TRPM3: variants seen among roughly 807,000 people sequenced by gnomAD.
The protein encoded by TRPM3 is transient receptor potential cation channel subfamily M member 3.
A neutral mutation model predicts 181.2 loss-of-function variants in TRPM3; 77 were observed. The observed-to-expected ratio is 0.42, with a 90% confidence interval of 0.35 to 0.51. The LOEUF is 0.51. TRPM3 is among the 20% of genes least tolerant of loss of function. TRPM3 has a pLI of 0.01. For missense variants in TRPM3, 1,759 were observed against 2,196.7 expected (o/e 0.80, Z 3.98); for synonymous variants, 745 against 796.4 (o/e 0.94, Z 1.09).
intron 1 of TRPM3, among the ~76,000 whole-genome samples, chr9:71,340,696 C>T (rs995174243): frequency 6.6e-6 from 1 of 152,086 alleles, no homozygotes; most frequent in Non-Finnish European, 1.5e-5. Context: ...CCGACTAATA[C>T]AGTTGGTATA....
chr9:71,076,768 T>C (rs758683261), intron 1 of TRPM3, among the ~76,000 whole-genome samples: 32 of 152,148 alleles, frequency 2.1e-4, no homozygotes, highest in Admixed American at 7.2e-4. Context: ...ACGGCCCATC[T>C]TGGAAATGTG....
intron 1 of TRPM3, among the ~76,000 whole-genome samples, chr9:71,265,393 G>C (rs571008100): frequency 6.6e-6 from 1 of 152,182 alleles, no homozygotes; most frequent in Non-Finnish European, 1.5e-5. Context: ...ATTTGGATGA[G>C]AGGTGGAACA....
chr9:70,598,332 C>T, intron 21 of TRPM3, 87 bp downstream of exon 21: 2 of 1,519,672 alleles, frequency 1.3e-6, no homozygotes, highest in Non-Finnish European at 1.8e-6. Flanking sequence ...ACTTTGATAG[C>T]AGGCCCAAAT....
rs776399435 is a variant in TRPM3, at chr9:70,761,733, A to G, written c.1149-9T>C. The G allele has an allele frequency of 1.2e-6, 2 of 1,605,586 alleles. No individual in the cohort carries two copies. Among genetic ancestry groups the G allele is most frequent in the Non-Finnish European group, 1.7e-6 (2 of 1,174,068 alleles). ...AAGATTCATTTATCAGTCTGCAAGT[A>G]AAAACAATGTCAAAAGCAGGTCAAC... On this transcript the variant is annotated splice_polypyrimidine_tract_variant and intron_variant, in intron 7 of 25. Coordinates refer to ENST00000677713, the MANE Select transcript of TRPM3 (RefSeq NM_001366145.2).
At chr9:71,342,590 A>C (rs181395951) in intron 1 of TRPM3, among the ~76,000 whole-genome samples, 75 of 152,250 alleles carry the variant, frequency 4.9e-4, no homozygotes, top group African/African-American at 1.8e-3. Context: ...AAGGATGTGC[A>C]GCAACAAAAA....
chr9:70,616,573 C>CAAAA (rs398113513), intron 17 of TRPM3, among the ~76,000 whole-genome samples: 25 of 121,442 alleles, frequency 2.1e-4, no homozygotes, highest in Non-Finnish European at 3.7e-4. Context: ...ATTATCTCTG[C>CAAAA]AAAAAAAAAA....
chr9:70,755,093 T>A (rs1311129573), intron 8 of TRPM3, among the ~76,000 whole-genome samples: 1 of 152,218 alleles, frequency 6.6e-6, no homozygotes, highest in Non-Finnish European at 1.5e-5. Flanking sequence ...TAACTTATTT[T>A]TGCCCGGATG....
At chr9:70,639,924 G>C (rs1382556468) in intron 10 of TRPM3, among the ~76,000 whole-genome samples, 1 of 152,196 alleles carries the variant, frequency 6.6e-6, no homozygotes, top group Non-Finnish European at 1.5e-5. Context: ...GGTGAGTGCT[G>C]TGATTCCAGG....
intron 1 of TRPM3, among the ~76,000 whole-genome samples, chr9:71,271,640 GCC>G (rs2083800275): frequency 6.6e-6 from 1 of 151,116 alleles, no homozygotes; most frequent in South Asian, 2.1e-4. Flanking sequence ...AAAAAAAAAA[GCC>G]CCACCAAAGA....
chr9:71,250,889 T>C (rs947660325), intron 1 of TRPM3, among the ~76,000 whole-genome samples: 7 of 152,092 alleles, frequency 4.6e-5, no homozygotes, highest in Non-Finnish European at 7.4e-5. Context: ...GGATAGGTCA[T>C]TGCAGAATGT....
chr9:70,770,228 C>T (rs531813936), intron 7 of TRPM3, among the ~76,000 whole-genome samples: 1 of 152,216 alleles, frequency 6.6e-6, no homozygotes, highest in East Asian at 1.9e-4. Flanking sequence ...CTGCCCAACT[C>T]AAAAACATAT....
At chr9:71,440,062 G>T (rs2094113721) in intron 1 of TRPM3, among the ~76,000 whole-genome samples, 1 of 152,140 alleles carries the variant, frequency 6.6e-6, no homozygotes, top group African/African-American at 2.4e-5. Flanking sequence ...GGCGAAGCTT[G>T]CAGTGAGCCG....
intron 1 of TRPM3, among the ~76,000 whole-genome samples, chr9:71,016,024 A>T (rs1028326777): frequency 4.0e-5 from 6 of 151,700 alleles, no homozygotes; most frequent in Non-Finnish European, 8.8e-5. Context: ...GTGAAACCCC[A>T]TCTCTACTAA....
chr9:70,941,626 T>G (rs2096886809), intron 1 of TRPM3, among the ~76,000 whole-genome samples: 2 of 152,220 alleles, frequency 1.3e-5, no homozygotes, highest in South Asian at 4.1e-4. Flanking sequence ...TGGTATCTGC[T>G]CTGGGATGGG....
At chr9:71,084,138 T>C (rs1277727672) in intron 1 of TRPM3, among the ~76,000 whole-genome samples, 1 of 152,008 alleles carries the variant, frequency 6.6e-6, no homozygotes, top group African/African-American at 2.4e-5. Flanking sequence ...TTGTGATAGG[T>C]ACTTCCTGAA....
At position 71,340,512 on chromosome 9, in the gene TRPM3, G is replaced by A. The variant is rs138499708; in HGVS notation, c.183+106141C>T. ...TCACGAGATCTGATGGTTTTAAGAA[G>A]GAGAGTTTCCCTGCACAAGCTCTCT... is the stretch of plus-strand genomic sequence containing the variant. On this transcript the variant is annotated intron_variant, in intron 1 of 24. Coordinates refer to the TRPM3 transcript ENST00000357533. Among the ~76,000 whole-genome samples the A allele has an allele frequency of 9.5e-4, 144 of 152,156 alleles. 1 individual carries two copies. The highest frequency in any genetic ancestry group is 5.6e-3 in the South Asian group (27 of 4,810).
At chr9:70,739,312 G>A (rs982759812) in intron 8 of TRPM3, among the ~76,000 whole-genome samples, 5 of 152,168 alleles carry the variant, frequency 3.3e-5, no homozygotes, top group Non-Finnish European at 7.4e-5. Flanking sequence ...AGGGATGCAA[G>A]GATGGTACAA....
chr9:71,282,496 A>T (rs2084927850), intron 1 of TRPM3, among the ~76,000 whole-genome samples: 1 of 152,226 alleles, frequency 6.6e-6, no homozygotes, highest in Non-Finnish European at 1.5e-5. Context: ...GGGTAGTGCT[A>T]TTTTTAAAAA....
chr9:71,394,775 T>C (rs149168215), intron 1 of TRPM3, among the ~76,000 whole-genome samples: 1 of 152,172 alleles, frequency 6.6e-6, no homozygotes, highest in African/African-American at 2.4e-5. Context: ...TCAACCTGTT[T>C]CTTAAAAGCA....
Sources: gnomAD v4.1 joint callset for allele counts (sites outside exome capture counted in the v4.1 genomes callset) on GRCh38, gnomAD v4.1.1 for gene constraint, MANE v1.5 for transcripts, NCBI Gene and HGNC (gene_info 2026-07-23, HGNC 2026-07-21) for gene names.